Variants in SMYD3 observed in about 807,000 individuals in gnomAD.
SMYD3 encodes the protein histone-lysine N-methyltransferase SMYD3.
SMYD3 carries 36 observed loss-of-function variants against 57.7 expected under a neutral mutation model. The observed-to-expected ratio is 0.62, with a 90% CI of 0.48 to 0.82. The LOEUF (loss-of-function observed/expected upper bound fraction) is 0.82. SMYD3 is among the 40% of genes least tolerant of loss of function. The pLI is 0.00. For synonymous variants in SMYD3, 211 were observed against 195.0 expected (o/e 1.08, Z -0.68); for missense variants, 515 against 538.8 (o/e 0.96, Z 0.44).
chr1:245,788,899 C>T (rs1044317485), intron 10 of SMYD3: 2 of 152,168 alleles, frequency 1.3e-5, no homozygotes, highest in Non-Finnish European at 2.9e-5. Flanking sequence ...CAAGTGGTGC[C>T]AGTGTGCCAC....
At position 246,114,432 on chromosome 1, in the gene SMYD3, A is replaced by G. The variant is rs12046625; in HGVS notation, c.532-184495T>C. On this transcript the variant is annotated intron_variant, in intron 5 of 11. Coordinates refer to ENST00000490107, the MANE Select transcript of SMYD3 (RefSeq NM_001167740.2). ...GGGGAGAACAATTGTTCTGAGAGAC[A>G]GCTAATCACAAACAACCTGCTTGTA... Among the ~76,000 whole-genome samples, 22 of 152,316 alleles carry G rather than the reference A, an allele frequency of 1.4e-4. No individual in the cohort carries two copies. In the East Asian group the frequency reaches 4.2e-3, roughly 29 times the overall value.
At chr1:246,400,376 A>G (rs2066748172) in intron 1 of SMYD3, among the ~76,000 whole-genome samples, 1 of 152,164 alleles carries the variant, frequency 6.6e-6, no homozygotes, top group Non-Finnish European at 1.5e-5. Context: ...GCATTTCAAC[A>G]TTTTATTTCA....
At chr1:245,980,203 T>C (rs1461155105) in intron 5 of SMYD3, among the ~76,000 whole-genome samples, 1 of 152,244 alleles carries the variant, frequency 6.6e-6, no homozygotes, top group Non-Finnish European at 1.5e-5. Flanking sequence ...TTTACCTTAC[T>C]GTGCATGATT....
chr1:245,855,326 G>A (rs1457535878), intron 10 of SMYD3, among the ~76,000 whole-genome samples: 1 of 151,778 alleles, frequency 6.6e-6, no homozygotes, highest in Non-Finnish European at 1.5e-5. Context: ...TAGGGGCTGG[G>A]GGGGGAATTT....
chr1:246,140,435 A>T (rs186479077), intron 5 of SMYD3, among the ~76,000 whole-genome samples: 42 of 152,348 alleles, frequency 2.8e-4, no homozygotes, highest in African/African-American at 9.9e-4. Context: ...TAGTATTAGT[A>T]CTAGCACCAG....
At chr1:246,138,008 T>C (rs1227671166) in intron 5 of SMYD3, among the ~76,000 whole-genome samples, 1 of 152,284 alleles carries the variant, frequency 6.6e-6, no homozygotes, top group Middle Eastern at 3.4e-3. Context: ...CACAAACACA[T>C]AATTTTTTTT....
chr1:245,948,111 G>C lies in SMYD3; in HGVS notation c.532-18174C>G, dbSNP rs72768781. ...ATGTTCCTCATCCTTCACCACCCTC[G>C]GGTGCTGTCTGATCACCCTGGCCTG... On this transcript the variant is annotated intron_variant, in intron 5 of 11. Coordinates refer to ENST00000490107, the MANE Select transcript of SMYD3 (RefSeq NM_001167740.2). Among the ~76,000 whole-genome samples, 784 of 152,188 alleles carry C rather than the reference G, an allele frequency of 5.2e-3. 6 individuals carry two copies. The highest frequency in any genetic ancestry group is 0.011 in the Admixed American group (169 of 15,288).
intron 9 of SMYD3, among the ~76,000 whole-genome samples, chr1:245,863,579 G>A (rs9730425): frequency 0.56 from 84,422 of 151,852 alleles, 26,628 homozygotes; most frequent in Non-Finnish European, 0.73. Context: ...ATTACCTAAC[G>A]GTAGTGAGTT....
chr1:245,853,903 A>C (rs1406931434), intron 10 of SMYD3, among the ~76,000 whole-genome samples: 1 of 152,294 alleles, frequency 6.6e-6, no homozygotes, highest in African/African-American at 2.4e-5. Context: ...ACAGAAAACT[A>C]TCTGAGCTGA....
chr1:246,052,378 T>C (rs569456995), intron 5 of SMYD3, among the ~76,000 whole-genome samples: 67 of 152,288 alleles, frequency 4.4e-4, no homozygotes, highest in Non-Finnish European at 8.5e-4. Context: ...ATGCTGATAG[T>C]ACAAGATGTA....
chr1:246,466,562 T>G (rs1046860284), intron 1 of SMYD3, among the ~76,000 whole-genome samples: 52 of 152,080 alleles, frequency 3.4e-4, no homozygotes, highest in African/African-American at 1.3e-3. Context: ...GATCAGGAAA[T>G]ATAACTGTTG....
intron 5 of SMYD3, among the ~76,000 whole-genome samples, chr1:245,960,057 G>A (rs1385240033): frequency 2.0e-5 from 3 of 152,156 alleles, no homozygotes; most frequent in Non-Finnish European, 2.9e-5. Context: ...GGGATTACAG[G>A]TGTGAGCCAC....
chr1:246,329,201 T>C (rs1420144579), intron 4 of SMYD3, among the ~76,000 whole-genome samples: 3 of 152,214 alleles, frequency 2.0e-5, no homozygotes, highest in Non-Finnish European at 4.4e-5. Flanking sequence ...TTTGGGTATA[T>C]ACCCAGTAAT....
intron 3 of SMYD3, 52 bp downstream of exon 3, chr1:246,335,315 C>T (rs1208237772): frequency 6.8e-6 from 10 of 1,478,912 alleles, no homozygotes; most frequent in Non-Finnish European, 9.4e-6. Context: ...AATGCAATTG[C>T]ATATGTTTAT....
At chr1:246,314,698 T>G (rs2065129360) in intron 5 of SMYD3, among the ~76,000 whole-genome samples, 1 of 152,174 alleles carries the variant, frequency 6.6e-6, no homozygotes, top group African/African-American at 2.4e-5. Context: ...ATACAGCAGT[T>G]CTGTTTATAA....
intron 5 of SMYD3, among the ~76,000 whole-genome samples, chr1:245,982,541 T>G (rs192533890): frequency 2.0e-5 from 3 of 152,232 alleles, no homozygotes; most frequent in Non-Finnish European, 4.4e-5. Context: ...GGCTCACTTA[T>G]AGGCTAAATA....
intron 1 of SMYD3, among the ~76,000 whole-genome samples, chr1:246,387,866 G>A (rs2066511773): frequency 8.4e-6 from 1 of 119,502 alleles, no homozygotes; most frequent in Non-Finnish European, 1.8e-5. Context: ...TCACCTCGAG[G>A]TTGAAGTCAG....
intron 5 of SMYD3, among the ~76,000 whole-genome samples, chr1:246,218,231 A>G (rs1235817468): frequency 6.6e-6 from 1 of 151,856 alleles, no homozygotes; most frequent in African/African-American, 2.4e-5. Context: ...AAACCTGTTA[A>G]AAAAAAAGCC....
intron 5 of SMYD3, among the ~76,000 whole-genome samples, chr1:246,024,469 AG>A (rs2059538768): frequency 7.4e-6 from 1 of 135,710 alleles, no homozygotes; most frequent in African/African-American, 2.9e-5. Context: ...GCATCTAGGA[AG>A]GGAGATACAG....
Sources: gnomAD v4.1 joint callset for allele counts (sites outside exome capture counted in the v4.1 genomes callset) on GRCh38, gnomAD v4.1.1 for gene constraint, MANE v1.5 for transcripts, NCBI Gene and HGNC (gene_info 2026-07-23, HGNC 2026-07-21) for gene names.